AHNAK: variants seen among roughly 807,000 people sequenced by gnomAD.
The protein encoded by AHNAK is neuroblast differentiation-associated protein AHNAK.
A neutral mutation model predicts 37.8 loss-of-function variants in AHNAK; 23 were observed. That is an observed-to-expected ratio of 0.61 (90% CI 0.44 to 0.86). The LOEUF (loss-of-function observed/expected upper bound fraction) is 0.86. Ranked by LOEUF, AHNAK falls within the 40% of genes least tolerant of loss-of-function variation. The pLI is 0.00. For synonymous variants in AHNAK, 2,481 were observed against 2,636.3 expected (o/e 0.94, Z 1.80); for missense variants, 7,411 against 7,319.4 (o/e 1.01, Z -0.46).
Position 62,523,340 on chromosome 11 carries a change from A to G in AHNAK, c.11077T>C (p.Leu3693=). The change falls in exon 5 of 5, where the codon TTG becomes CTG. Residue 3693 remains leucine, a synonymous_variant. Coordinates refer to ENST00000378024, the MANE Select transcript of AHNAK (RefSeq NM_001620.3). ...TTTAGATCACCTTCCACTTTGGGCA[A>G]AGACACAACCACATCACCCTTCATT... ...PKMKGDVVVS[L]PKVEGDLKGP... 1 of 1,612,742 alleles carries G rather than the reference A, an allele frequency of 6.2e-7. No individual in the cohort carries two copies.
At chr11:62,483,444 G>A (rs746491170) in intron 5 of AHNAK, among the ~76,000 whole-genome samples, 48 of 152,356 alleles carry the variant, frequency 3.2e-4, no homozygotes, top group Non-Finnish European at 5.7e-4. Context: ...AAGAAAGGGC[G>A]GGCCGGGCGC....
intron 4 of AHNAK, among the ~76,000 whole-genome samples, chr11:62,506,036 A>AGAG (rs1939806246): frequency 1.3e-5 from 1 of 76,744 alleles, no homozygotes; most frequent in African/African-American, 4.6e-5. Flanking sequence ...AAAAAAAAAA[A>AGAG]GGCGGGGGTG....
rs550343939 is a variant in AHNAK at position 62,530,222 on chromosome 11, C to T, written c.4195G>A (p.Gly1399Ser). ...GGCAGCTTCACATCCACTTCAGGGC[C>T]CTCTCCTTTGAAGCCGGGCATGCTG... ...KFSMPGFKGE[G>S]PEVDVKLPKA... The change falls in exon 5 of 5, where the codon GGC (glycine) becomes AGC (serine). Residue 1399 changes from glycine to serine, a missense_variant. Coordinates refer to ENST00000378024, the MANE Select transcript of AHNAK (RefSeq NM_001620.3). 2.4e-5 allele frequency: 38 copies of T among 1,612,736 alleles called. No individual in the cohort carries two copies. The highest frequency in any genetic ancestry group is 3.0e-5 in the Non-Finnish European group (35 of 1,179,756).
At chr11:62,447,603 A>G (rs1938442977) in intron 5 of AHNAK, among the ~76,000 whole-genome samples, 1 of 149,870 alleles carries the variant, frequency 6.7e-6, no homozygotes, top group Admixed American at 6.7e-5. Flanking sequence ...TCACCTGGAC[A>G]ACTTTGCTGT....
At chr11:62,439,511 G>T (rs1938255479) in intron 5 of AHNAK, among the ~76,000 whole-genome samples, 5 of 151,854 alleles carry the variant, frequency 3.3e-5, no homozygotes. Context: ...TTCCTATCCT[G>T]GCAACTTTGT....
At chr11:62,542,069 G>A (rs1005841574) in intron 1 of AHNAK, 1 of 152,292 alleles carries the variant, frequency 6.6e-6, no homozygotes, top group African/African-American at 2.4e-5. Flanking sequence ...GAATTACCAG[G>A]AAGAATTAGA....
chr11:62,493,316 TTTTC>T lies in AHNAK; in HGVS notation c.343-1489_343-1486del, dbSNP rs1038629389. Among the ~76,000 whole-genome samples, 7 of 147,360 alleles carry T rather than the reference TTTTC, an allele frequency of 4.8e-5. No homozygotes were observed. In the East Asian group the frequency reaches 9.9e-4, roughly 21 times the overall value. On this transcript the variant is annotated intron_variant, in intron 4 of 5. Coordinates refer to the AHNAK transcript ENST00000257247. ...AGTGTAAGACATCATGCTCGGCCTG[TTTTC>T]TTTCTTTCTTTCTTTTTTTTTTTTT...
rs778265937 is a variant in AHNAK, at chr11:62,520,161, G to A, written c.14256C>T (p.Gly4752=). The part of the protein sequence containing the change: ...TLPKVEGDLK[G]PEADIKGPKV... Reference sequence around the variant, plus strand: ...TTGGGCCCTTGATGTCAGCTTCTGGGCCCTTGAGGTCACCTTCCACTTTAG... The same window carrying A: ...TTGGGCCCTTGATGTCAGCTTCTGGACCCTTGAGGTCACCTTCCACTTTAG... The change falls in exon 5 of 5, where the codon GGC becomes GGT. Residue 4752 remains glycine, a synonymous_variant. Coordinates refer to ENST00000378024, the MANE Select transcript of AHNAK (RefSeq NM_001620.3). The A allele has an allele frequency of 1.9e-5, 31 of 1,613,336 alleles. No homozygotes were observed. The highest frequency in any genetic ancestry group is 4.0e-5 in the African/African-American group (3 of 74,622).
intron 4 of AHNAK, chr11:62,491,849 T>C (rs374779964): frequency 1.3e-6 from 2 of 1,596,652 alleles, no homozygotes; most frequent in African/African-American, 2.7e-5. Flanking sequence ...GGATAAAGAT[T>C]ATCACCAGGT....
chr11:62,517,892 C>A lies in AHNAK; in HGVS notation c.16525G>T (p.Val5509Leu). The A allele has an allele frequency of 6.2e-7, 1 of 1,614,198 alleles. No homozygotes were observed. The highest frequency in any genetic ancestry group is 1.1e-5 in the South Asian group (1 of 91,084). Reference protein sequence around the residue: ...SSGCDVNLPGVNVKLPTGQIS... With the variant: ...SSGCDVNLPGLNVKLPTGQIS... ...TGCCCAGTTGGGAGTTTCACATTCA[C>A]GCCTGGCAGGTTCACATCACATCCA... Residue 5509 changes from valine to leucine, a missense_variant, in exon 5 of 5, where the codon GTG (valine) becomes TTG (leucine). Val to Leu is a conservative substitution (Grantham distance 32). Transcript: ENST00000378024.
intron 5 of AHNAK, among the ~76,000 whole-genome samples, chr11:62,490,827 G>T (rs185821078): frequency 6.7e-6 from 1 of 149,890 alleles, no homozygotes. Context: ...CTCTGTCGTC[G>T]CCCAGGCTGG....
intron 4 of AHNAK, among the ~76,000 whole-genome samples, chr11:62,493,354 A>T (rs1939542211): frequency 1.5e-5 from 2 of 132,772 alleles, no homozygotes; most frequent in Non-Finnish European, 1.6e-5. Flanking sequence ...TTTTTTTGAC[A>T]GACTCTCGCT....
In AHNAK at chr11:62,529,952, C is replaced by A; in HGVS notation, c.4465G>T (p.Gly1489Cys). Reference protein sequence around the residue: ...EIKAPDVDIKGPKVDINAPDV... With the variant: ...EIKAPDVDIKCPKVDINAPDV... ...GGTGCATTAATATCAACTTTGGGGC[C>A]TTTGATGTCAACATCAGGAGCTTTT... Residue 1489 changes from glycine to cysteine, a missense_variant, in exon 5 of 5, where the codon GGC becomes TGC. By Grantham distance (159) the Gly-to-Cys change is radical. Transcript: ENST00000378024. 6.2e-7 allele frequency: 1 copy of A among 1,612,992 alleles called. No homozygotes were observed. The highest frequency in any genetic ancestry group is 8.5e-7 in the Non-Finnish European group (1 of 1,179,774).
rs2428547 is a variant in AHNAK, at chr11:62,526,485, T to C, written c.7932A>G (p.Pro2644=). The C allele has an allele frequency of 1.0e-5, 16 of 1,604,078 alleles. 1 individual carries two copies. The highest frequency in any genetic ancestry group is 4.4e-5 in the South Asian group (4 of 90,604). Residue 2644 remains proline (P), a synonymous_variant, in exon 5 of 5, where the codon CCA becomes CCG. Coordinates refer to ENST00000378024, the MANE Select transcript of AHNAK (RefSeq NM_001620.3). ...CTTTGAAGCCAGGCATGCTGAACTT[T>C]GGCATTTTCACCTTGGGCATCTTCA... ...WHLKMPKVKM[P]KFSMPGFKGE... is the part of the protein sequence containing the mutation.
rs1457464628 is a variant in AHNAK at position 62,526,156 on chromosome 11, T to G, written c.8261A>C (p.Asp2754Ala). 9 of 1,613,496 alleles carry G rather than the reference T, an allele frequency of 5.6e-6. No homozygotes were observed. Among genetic ancestry groups the G allele is most frequent in the Non-Finnish European group, 6.8e-6 (8 of 1,179,910 alleles). Reference protein sequence around the residue: ...KGPKVDIDAPDVDVHGPDWHL... With the variant: ...KGPKVDIDAPAVDVHGPDWHL... Reference sequence around the variant, plus strand: ...CCAGTCTGGGCCATGAACATCAACATCAGGTGCGTCAATGTCCACTTTTGG... The same window carrying G: ...CCAGTCTGGGCCATGAACATCAACAGCAGGTGCGTCAATGTCCACTTTTGG... The change falls in exon 5 of 5, where the codon GAT becomes GCT. Residue 2754 changes from aspartate to alanine, a missense_variant. Asp to Ala is a moderately radical substitution (Grantham distance 126). Coordinates refer to ENST00000378024, the MANE Select transcript of AHNAK (RefSeq NM_001620.3).
At chr11:62,461,161 T>G (rs1335081373) in intron 5 of AHNAK, among the ~76,000 whole-genome samples, 1 of 138,920 alleles carries the variant, frequency 7.2e-6, no homozygotes, top group Non-Finnish European at 1.6e-5. Flanking sequence ...TTTTTTTTTT[T>G]TTTGAGACAG....
rs142670688 is a variant in AHNAK at position 62,524,741 on chromosome 11, G to A, written c.9676C>T (p.Leu3226Phe). 2.7e-4 allele frequency: 428 copies of A among 1,614,106 alleles called. 1 individual carries two copies. Among genetic ancestry groups the A allele is most frequent in the Non-Finnish European group, 3.4e-4 (404 of 1,180,018 alleles). The change falls in exon 5 of 5, where the codon CTC becomes TTC. Residue 3226 changes from leucine to phenylalanine, a missense_variant. Physicochemically the swap from Leu to Phe is conservative, Grantham distance 22 (BLOSUM62 0). Coordinates refer to ENST00000378024, the MANE Select transcript of AHNAK (RefSeq NM_001620.3). ...APKISMPDLD[L>F]NLKGPKMKGE... is the part of the protein sequence containing the mutation. Reference sequence around the variant, plus strand: ...TTCATTTTAGGGCCTTTAAGATTGAGGTCCAAATCAGGCATTGATATTTTA... The same window carrying A: ...TTCATTTTAGGGCCTTTAAGATTGAAGTCCAAATCAGGCATTGATATTTTA...
At chr11:62,534,905 G>C (rs2134248688) in intron 4 of AHNAK, 98 bp downstream of exon 4, 1 of 1,313,370 alleles carries the variant, frequency 7.6e-7, no homozygotes, top group East Asian at 2.3e-5. Context: ...GGAGCAAAAA[G>C]AGAGGGTCCG....
chr11:62,461,535 G>C (rs948136165), intron 5 of AHNAK, among the ~76,000 whole-genome samples: 20 of 152,270 alleles, frequency 1.3e-4, no homozygotes, highest in African/African-American at 4.6e-4. Flanking sequence ...TCAATAGTTA[G>C]AGAAGGGCCA....
Sources: gnomAD v4.1 joint callset for allele counts (sites outside exome capture counted in the v4.1 genomes callset) on GRCh38, gnomAD v4.1.1 for gene constraint, MANE v1.5 for transcripts, NCBI Gene and HGNC (gene_info 2026-07-23, HGNC 2026-07-21) for gene names.